The following METTL9 variants were observed in gnomAD, a reference collection of about 807,000 sequenced individuals.
The protein encoded by METTL9 is methyltransferase 9, His-X-His N1(pi)-histidine.
Under a neutral mutation model 36.0 loss-of-function variants are expected in METTL9, and 10 were observed. That is an observed-to-expected ratio of 0.28 (90% CI 0.17 to 0.47). The LOEUF (loss-of-function observed/expected upper bound fraction) is 0.47. METTL9 is among the 20% of genes least tolerant of loss of function. The pLI is 0.99. For synonymous variants in METTL9, 175 were observed against 149.7 expected (o/e 1.17, Z -1.23); for missense variants, 246 against 383.5 (o/e 0.64, Z 3.00).
chr16:21,607,290 G>A (rs1170904847), intron 1 of METTL9, among the ~76,000 whole-genome samples: 1 of 152,158 alleles, frequency 6.6e-6, no homozygotes, highest in Non-Finnish European at 1.5e-5. Flanking sequence ...GGCCAGGCTG[G>A]TCTTGAACTC....
In METTL9 at chr16:21,604,627, T is replaced by C. The variant is rs536238716; in HGVS notation, c.165+4729T>C. 4.6e-5 allele frequency among the ~76,000 whole-genome samples: 7 copies of C among 152,324 alleles called. No individual in the cohort carries two copies. The South Asian group carries it at 1.0e-3, about 23-fold the overall frequency. On this transcript the variant is annotated intron_variant, in intron 1 of 4. Transcript: ENST00000358154. ...GTGGGAAAATGGTGAATGGTCTGAA[T>C]ATTTACGCCTATGCTGTGCTTAAAT...
At chr16:21,639,091 T>C (rs1177292536) in intron 4 of METTL9, among the ~76,000 whole-genome samples, 1 of 152,218 alleles carries the variant, frequency 6.6e-6, no homozygotes, top group East Asian at 1.9e-4. Flanking sequence ...TAAGAAACTC[T>C]TCCCAAATAA....
chr16:21,627,404 G>GA (rs1485503785), intron 4 of METTL9: 2 of 983,376 alleles, frequency 2.0e-6, no homozygotes, highest in Non-Finnish European at 1.2e-6. Flanking sequence ...GAAAAAAAAT[G>GA]AAAAAAATAC....
At chr16:21,641,114 TAA>T (rs1158118162) in intron 4 of METTL9, 2 of 154,390 alleles carry the variant, frequency 1.3e-5, no homozygotes, top group Non-Finnish European at 2.9e-5. Flanking sequence ...TGAATGTCTC[TAA>T]CTCAAATTTT....
At chr16:21,622,141 C>CTTTTTTTTTTCTTTTTTTTTTTTT (rs1965715719) in intron 3 of METTL9, among the ~76,000 whole-genome samples, 1 of 34,922 alleles carries the variant, frequency 2.9e-5, no homozygotes, top group Non-Finnish European at 4.6e-5. Context: ...CATGCCTGGC[C>CTTTTTTTTTTCTTTTTTTTTTTTT]TTTTTTTTTT....
At chr16:21,609,867 G>T (rs1281864759) in intron 1 of METTL9, among the ~76,000 whole-genome samples, 4 of 152,036 alleles carry the variant, frequency 2.6e-5, no homozygotes, top group South Asian at 2.1e-4. Flanking sequence ...TTTAAAATTT[G>T]CATTTTAAGA....
chr16:21,657,423 A>G lies in METTL9; in HGVS notation c.*1991A>G, dbSNP rs1364373163. ...AATGGCTTTTTTCCCCGTAAATGGA[A>G]TCATGTTTTTCTCCCCCAAAGTACA... On this transcript the variant is annotated 3_prime_UTR_variant, in exon 5 of 5. Transcript: ENST00000358154. 1.3e-5 allele frequency: 2 copies of G among 152,146 alleles called. No individual in the cohort carries two copies. The highest frequency in any genetic ancestry group is 4.8e-5 in the African/African-American group (2 of 41,428). The allele number at this position is 152,146 out of a possible 1,614,324, so 9.4% of individuals were successfully genotyped here.
chr16:21,644,638 A>G (rs953671533), intron 4 of METTL9, among the ~76,000 whole-genome samples: 20 of 152,228 alleles, frequency 1.3e-4, no homozygotes, highest in Non-Finnish European at 2.6e-4. Flanking sequence ...AAAAAATTCA[A>G]CCAACCATTT....
chr16:21,621,263 T>A (rs984738728), intron 3 of METTL9, among the ~76,000 whole-genome samples: 1 of 152,150 alleles, frequency 6.6e-6, no homozygotes, highest in Non-Finnish European at 1.5e-5. Flanking sequence ...TCCTCCTGCC[T>A]TGGCTTCCCA....
intron 4 of METTL9, 56 bp from the exon 5 acceptor site, chr16:21,655,171 C>A (rs530207901): frequency 1.3e-6 from 2 of 1,526,210 alleles, no homozygotes; most frequent in African/African-American, 2.7e-5. Flanking sequence ...CCCTGCTTCC[C>A]TCTTTAAATC....
intron 4 of METTL9, among the ~76,000 whole-genome samples, chr16:21,625,389 C>G (rs1332021327): frequency 6.6e-6 from 1 of 152,160 alleles, no homozygotes; most frequent in Non-Finnish European, 1.5e-5. Context: ...AACTGTATCT[C>G]TGGTTTTAAA....
intron 4 of METTL9, chr16:21,643,717 C>A: frequency 1.6e-6 from 1 of 638,376 alleles, no homozygotes; most frequent in Non-Finnish European, 2.7e-6. Flanking sequence ...TACAATGAGA[C>A]TTAATTTTTA....
intron 4 of METTL9, among the ~76,000 whole-genome samples, chr16:21,649,627 C>G (rs1966517254): frequency 6.6e-6 from 1 of 152,234 alleles, no homozygotes; most frequent in South Asian, 2.1e-4. Flanking sequence ...AGCACTGTCT[C>G]AGTCTCAAGT....
chr16:21,652,341 A>G (rs148830088), intron 4 of METTL9: 55 of 487,022 alleles, frequency 1.1e-4, no homozygotes, highest in African/African-American at 7.7e-4. Context: ...CAAGGTTAAT[A>G]TGAAACTTTT....
intron 4 of METTL9, among the ~76,000 whole-genome samples, chr16:21,650,383 C>T (rs1471807021): frequency 6.6e-6 from 1 of 151,808 alleles, no homozygotes; most frequent in African/African-American, 2.4e-5. Flanking sequence ...TGGTGGACGC[C>T]TGTAATCCCA....
chr16:21,619,715 C>T (rs954580068), intron 3 of METTL9, among the ~76,000 whole-genome samples: 2 of 150,884 alleles, frequency 1.3e-5, no homozygotes, highest in African/African-American at 2.4e-5. Flanking sequence ...GGATTACAGG[C>T]GTGAGCCACT....
chr16:21,622,720 G>A (rs1368165079), intron 3 of METTL9, among the ~76,000 whole-genome samples: 1 of 152,108 alleles, frequency 6.6e-6, no homozygotes, highest in African/African-American at 2.4e-5. Context: ...AGATTTAACT[G>A]TCTTAGTGTT....
chr16:21,648,464 T>C (rs1469308778), intron 4 of METTL9, among the ~76,000 whole-genome samples: 3 of 152,222 alleles, frequency 2.0e-5, no homozygotes, highest in Non-Finnish European at 4.4e-5. Flanking sequence ...CTGCTACTGT[T>C]CCCACAGTGT....
chr16:21,601,565 T>C (rs1306012253), intron 1 of METTL9, among the ~76,000 whole-genome samples: 1 of 152,180 alleles, frequency 6.6e-6, no homozygotes, highest in African/African-American at 2.4e-5. Flanking sequence ...ATTTCAACAC[T>C]GTGATGTGTA....
Sources: gnomAD v4.1 joint callset for allele counts (sites outside exome capture counted in the v4.1 genomes callset) on GRCh38, gnomAD v4.1.1 for gene constraint, MANE v1.5 for transcripts, NCBI Gene and HGNC (gene_info 2026-07-23, HGNC 2026-07-21) for gene names.